NECAB1: variants seen among roughly 807,000 people sequenced by gnomAD.
The protein encoded by NECAB1 is N-terminal EF-hand calcium binding protein 1.
A neutral mutation model predicts 57.5 loss-of-function variants in NECAB1; 29 were observed. The ratio of observed to expected loss-of-function variants is 0.50; its 90% CI spans 0.38 to 0.69. The LOEUF is 0.69. Ranked by LOEUF, NECAB1 falls within the 30% of genes least tolerant of loss-of-function variation. NECAB1 has a pLI of 0.00. For synonymous variants in NECAB1, 142 were observed against 147.7 expected (o/e 0.96, Z 0.28); for missense variants, 372 against 413.8 (o/e 0.90, Z 0.88).
chr8:90,805,117 C>A (rs1811826127), intron 2 of NECAB1, among the ~76,000 whole-genome samples: 1 of 151,982 alleles, frequency 6.6e-6, no homozygotes, highest in Admixed American at 6.6e-5. Flanking sequence ...AGCTATTTAC[C>A]ATATATGGAG....
intron 2 of NECAB1, among the ~76,000 whole-genome samples, chr8:90,816,162 A>G (rs998704820): frequency 1.3e-5 from 2 of 151,906 alleles, no homozygotes; most frequent in African/African-American, 4.8e-5. Context: ...CTTCTTTGGT[A>G]AAGTGTCTGT....
At chr8:90,941,231 G>A (rs1810663365) in intron 10 of NECAB1, among the ~76,000 whole-genome samples, 2 of 152,200 alleles carry the variant, frequency 1.3e-5, no homozygotes, top group Non-Finnish European at 2.9e-5. Flanking sequence ...CCCACACTCT[G>A]ATTTAAAATC....
intron 5 of NECAB1, among the ~76,000 whole-genome samples, chr8:90,899,008 G>A (rs528320624): frequency 7.2e-5 from 11 of 152,350 alleles, no homozygotes; most frequent in East Asian, 3.9e-4. Flanking sequence ...AGAGCAGTGG[G>A]AAGATCCTTC....
chr8:90,818,943 G>T (rs1028838934), intron 2 of NECAB1, among the ~76,000 whole-genome samples: 3 of 151,812 alleles, frequency 2.0e-5, no homozygotes, highest in Non-Finnish European at 1.5e-5. Context: ...TGTTGTTTCA[G>T]AAAGTCAGTG....
intron 3 of NECAB1, 65 bp downstream of exon 3, chr8:90,824,890 C>A: frequency 1.2e-6 from 1 of 802,800 alleles, no homozygotes; most frequent in Non-Finnish European, 1.9e-6. Flanking sequence ...GCATTCATGT[C>A]CAGGAAGAAG....
intron 5 of NECAB1, among the ~76,000 whole-genome samples, chr8:90,882,857 A>G (rs1373640520): frequency 6.6e-6 from 1 of 152,002 alleles, no homozygotes. Context: ...CTAGCATAGG[A>G]CCTGACAATT....
intron 3 of NECAB1, among the ~76,000 whole-genome samples, chr8:90,850,479 C>A (rs980253038): frequency 6.6e-6 from 1 of 152,200 alleles, no homozygotes; most frequent in African/African-American, 2.4e-5. Context: ...GGGGAACCAG[C>A]AGTCTGGAAC....
intron 3 of NECAB1, among the ~76,000 whole-genome samples, chr8:90,869,715 G>T (rs1808587556): frequency 6.6e-6 from 1 of 152,176 alleles, no homozygotes; most frequent in South Asian, 2.1e-4. Flanking sequence ...ATTTGTTTTT[G>T]ATTTTACAGG....
At chr8:90,793,235 T>C (rs1256368335) in intron 1 of NECAB1, among the ~76,000 whole-genome samples, 2 of 152,196 alleles carry the variant, frequency 1.3e-5, no homozygotes, top group Admixed American at 6.5e-5. Flanking sequence ...TAGAATTCTT[T>C]TTAATTCTAG....
intron 7 of NECAB1, among the ~76,000 whole-genome samples, chr8:90,926,773 A>G (rs1209080034): frequency 6.6e-6 from 1 of 152,208 alleles, no homozygotes; most frequent in African/African-American, 2.4e-5. Context: ...TGTTTTATGT[A>G]CTGTGTGCAT....
intron 3 of NECAB1, among the ~76,000 whole-genome samples, chr8:90,835,863 G>C (rs188295407): frequency 1.3e-5 from 2 of 152,194 alleles, no homozygotes; most frequent in Admixed American, 6.5e-5. Flanking sequence ...TAAGAAAGGC[G>C]TGCAAAAGCA....
intron 2 of NECAB1, among the ~76,000 whole-genome samples, chr8:90,808,115 G>T (rs928081433): frequency 1.3e-5 from 2 of 152,022 alleles, no homozygotes; most frequent in East Asian, 3.9e-4. Context: ...TACATAGCTG[G>T]GTTTATCAGC....
chr8:90,848,000 C>A (rs1372926741), intron 3 of NECAB1, among the ~76,000 whole-genome samples: 3 of 152,230 alleles, frequency 2.0e-5, no homozygotes, highest in Non-Finnish European at 4.4e-5. Context: ...ATGCAAATTT[C>A]TGTAGCAGGC....
chr8:90,929,320 C>T lies in NECAB1; in HGVS notation c.693+1021C>T, dbSNP rs536666788. The stretch of plus-strand genomic sequence containing the variant: ...TCAAGTGGGGCCTTAAAAATGGTGA[C>T]TTAATTAAAAATTTTATTGCAAACA... On this transcript the variant is annotated intron_variant, in intron 8 of 12. Coordinates refer to ENST00000417640, the MANE Select transcript of NECAB1 (RefSeq NM_022351.5). 7.2e-5 allele frequency among the ~76,000 whole-genome samples: 11 copies of T among 152,128 alleles called. No individual in the cohort carries two copies. In the East Asian group the frequency reaches 1.9e-3, roughly 27 times the overall value.
chr8:90,949,146 TTGTGTGTGTG>T (rs59311652), intron 10 of NECAB1, among the ~76,000 whole-genome samples: 2,173 of 129,904 alleles, frequency 0.017, 24 homozygotes, highest in East Asian at 0.047. Context: ...AACAGGCACT[TTGTGTGTGTG>T]TGTGTGTGTG....
At chr8:90,816,602 A>C (rs1430172728) in intron 2 of NECAB1, among the ~76,000 whole-genome samples, 1 of 151,788 alleles carries the variant, frequency 6.6e-6, no homozygotes, top group African/African-American at 2.4e-5. Context: ...TCTTCATTGA[A>C]GTGCCTTTTC....
chr8:90,806,372 A>G (rs1811847722), intron 2 of NECAB1: 1 of 152,258 alleles, frequency 6.6e-6, no homozygotes, highest in Non-Finnish European at 1.5e-5. Flanking sequence ...GCTGCAACAC[A>G]GACATTCATT....
intron 2 of NECAB1, among the ~76,000 whole-genome samples, chr8:90,822,554 TA>T (rs958401427): frequency 1.3e-5 from 2 of 151,858 alleles, no homozygotes; most frequent in East Asian, 3.9e-4. Context: ...TTTTTCTAAA[TA>T]AAAGTCTTTT....
chr8:90,854,106 A>C (rs942647218), intron 3 of NECAB1, among the ~76,000 whole-genome samples: 5 of 152,198 alleles, frequency 3.3e-5, no homozygotes, highest in Non-Finnish European at 2.9e-5. Context: ...AACTCAGATA[A>C]GACACATGTA....
Sources: allele counts gnomAD v4.1 joint callset (sites outside exome capture counted in the v4.1 genomes callset), GRCh38; gene constraint gnomAD v4.1.1; transcripts MANE v1.5; gene names NCBI Gene and HGNC (gene_info 2026-07-23, HGNC 2026-07-21).